Variants in IVD observed in about 807,000 individuals in gnomAD.
IVD encodes isovaleryl-CoA dehydrogenase, mitochondrial.
In IVD, 31 loss-of-function variants were observed where a neutral mutation model predicts 51.3. The ratio of observed to expected loss-of-function variants is 0.60; its 90% confidence interval spans 0.45 to 0.81. IVD has a LOEUF of 0.81. Among genes scored for constraint, IVD ranks in the 40% least tolerant of loss-of-function variants. The probability of loss-of-function intolerance (pLI) is 0.00; values close to 1 mark genes in which losing one functional copy is unlikely to be tolerated. For synonymous variants in IVD, 205 were observed against 219.4 expected (o/e 0.93, Z 0.58); for missense variants, 475 against 552.0 (o/e 0.86, Z 1.40).
At chr15:40,416,249 G>T (rs746632649) in intron 10 of IVD, 41 bp from the exon 11 acceptor site, 10 of 1,612,388 alleles carry the variant, frequency 6.2e-6, no homozygotes, top group South Asian at 5.5e-5. Context: ...TGCTGTCTGC[G>T]TGCCTCGCAG....
chr15:40,416,315 C>T lies in IVD; in HGVS notation c.1091C>T (p.Ser364Leu). Residue 364 changes from serine to leucine, a missense_variant, in exon 11 of 12, where the codon TCA becomes TTA. By Grantham distance (145) the Ser-to-Leu change is moderately radical. Coordinates refer to ENST00000487418, the MANE Select transcript of IVD (RefSeq NM_002225.5). ...AKDCAGVILY[S>L]AECATQVALD... ...GACTGTGCAGGTGTGATTCTTTACT[C>T]AGCTGAGTGTGCCACACAGGTAGCC... 2 of 1,614,264 alleles carry T rather than the reference C, an allele frequency of 1.2e-6. No homozygotes were observed. Among genetic ancestry groups the T allele is most frequent in the Non-Finnish European group, 1.7e-6 (2 of 1,180,048 alleles).
At chr15:40,429,975 A>G (rs890559711) in intron 7 of IVD, among the ~76,000 whole-genome samples, 1 of 152,278 alleles carries the variant, frequency 6.6e-6, no homozygotes, top group African/African-American at 2.4e-5. Flanking sequence ...AAATATGTAC[A>G]AGTCACAAAA....
At chr15:40,433,959 T>C (rs1024749720) in intron 8 of IVD, 2 of 456,170 alleles carry the variant, frequency 4.4e-6, no homozygotes, top group African/African-American at 4.0e-5. Flanking sequence ...GCTCTCTGAG[T>C]AGGTTCCAGT....
intron 8 of IVD, 62 bp downstream of exon 8, chr15:40,415,044 A>G: frequency 1.3e-6 from 2 of 1,589,242 alleles, no homozygotes; most frequent in South Asian, 2.2e-5. Context: ...GTGACCCACC[A>G]TGAGCAGCAG....
At chr15:40,409,365 C>T (rs1217800129) in intron 3 of IVD, among the ~76,000 whole-genome samples, 1 of 151,508 alleles carries the variant, frequency 6.6e-6, no homozygotes, top group Middle Eastern at 3.2e-3. Flanking sequence ...TACACCATTG[C>T]ACCCCAGCCT....
chr15:40,424,836 C>T (rs1200412205), downstream of IVD, among the ~76,000 whole-genome samples: 1 of 152,242 alleles, frequency 6.6e-6, no homozygotes, highest in African/African-American at 2.4e-5. Flanking sequence ...CCCAATAGCA[C>T]CCGGGGCTCA....
At position 40,418,447 on chromosome 15, in the gene IVD, G is replaced by T. The variant is rs573527656; in HGVS notation, c.*184G>T. 311 of 1,493,478 alleles carry T rather than the reference G, an allele frequency of 2.1e-4. 7 individuals are homozygous for T. The South Asian group carries it at 3.4e-3, about 16-fold the overall frequency. 92.5% of individuals were successfully genotyped at this position (1,493,478 alleles called of 1,614,324 possible). A position where few individuals can be genotyped will look rare whatever the true frequency, so the allele number is the denominator to read the frequency against. ...CCAAGCATCATGGGCCTCGCAGCCGGGCCTGTGCCACGGCTAGTGTTGTGT... is the reference window on the plus strand; with the variant it reads ...CCAAGCATCATGGGCCTCGCAGCCGTGCCTGTGCCACGGCTAGTGTTGTGT... On this transcript the variant is annotated 3_prime_UTR_variant, in exon 12 of 12. Coordinates refer to ENST00000487418, the MANE Select transcript of IVD (RefSeq NM_002225.5).
intron 4 of IVD, 80 bp from the exon 5 acceptor site, chr15:40,411,180 G>A: frequency 7.4e-7 from 1 of 1,353,504 alleles, no homozygotes; most frequent in Admixed American, 1.7e-5. Context: ...GTTTAATGTG[G>A]ACAGGAAGAG....
In IVD at chr15:40,415,390, C is replaced by T. The variant is rs1432119689; in HGVS notation, c.879-11C>T. 6.2e-7 allele frequency: 1 copy of T among 1,613,480 alleles called. No individual in the cohort carries two copies. Among genetic ancestry groups the T allele is most frequent in the Non-Finnish European group, 8.5e-7 (1 of 1,179,496 alleles). ...AGGAGGTGCCCACGGGGCCTTTCTC[C>T]TTTCTGACAGGCTCATGCAAGCGGT... is the stretch of plus-strand genomic sequence containing the variant. On this transcript the variant is annotated splice_polypyrimidine_tract_variant and intron_variant, in intron 8 of 11. Coordinates refer to ENST00000487418, the MANE Select transcript of IVD (RefSeq NM_002225.5).
chr15:40,407,115 G>A (rs567466203), intron 1 of IVD, among the ~76,000 whole-genome samples: 4 of 152,208 alleles, frequency 2.6e-5, no homozygotes, highest in Admixed American at 6.5e-5. Flanking sequence ...CTCCTGCCTC[G>A]GCCTCCCAAA....
chr15:40,427,442 G>A (rs552416023), downstream of IVD, among the ~76,000 whole-genome samples: 11 of 152,334 alleles, frequency 7.2e-5, no homozygotes, highest in Non-Finnish European at 1.6e-4. Flanking sequence ...TGCCTGCCTG[G>A]CCTGCCTTGA....
intron 1 of IVD, chr15:40,406,280 A>G: frequency 2.8e-6 from 4 of 1,439,040 alleles, no homozygotes; most frequent in Admixed American, 2.1e-5. Flanking sequence ...AGGATTGGCC[A>G]GGCTACCTAC....
At chr15:40,406,004 G>A in intron 1 of IVD, 33 bp downstream of exon 1, 1 of 1,252,730 alleles carries the variant, frequency 8.0e-7, no homozygotes, top group Non-Finnish European at 1.1e-6. Context: ...TGGCCCCAAG[G>A]CCTCCTTCCT....
chr15:40,421,550 C>T (rs963350716), downstream of IVD, among the ~76,000 whole-genome samples: 1 of 152,290 alleles, frequency 6.6e-6, no homozygotes, highest in Non-Finnish European at 1.5e-5. Flanking sequence ...GTTTTTTAAG[C>T]GTGGTCTGAG....
chr15:40,406,864 CTTTTTTT>C (rs920097308), intron 1 of IVD, among the ~76,000 whole-genome samples: 11 of 138,778 alleles, frequency 7.9e-5, no homozygotes, highest in African/African-American at 1.0e-4. Flanking sequence ...TTTCTTTTTT[CTTTTTTT>C]TTTTTTTTTG....
intron 1 of IVD, chr15:40,406,272 G>A: frequency 1.4e-6 from 2 of 1,449,996 alleles, no homozygotes; most frequent in South Asian, 2.4e-5. Flanking sequence ...TTTGGTGGAG[G>A]ATTGGCCAGG....
At chr15:40,425,910 A>G (rs1353879978), downstream of IVD, among the ~76,000 whole-genome samples, 3 of 151,626 alleles carry the variant, frequency 2.0e-5, no homozygotes, top group African/African-American at 4.9e-5. Flanking sequence ...CCCGGGCTCA[A>G]GTGATTCTCC....
At chr15:40,412,943 C>A in intron 6 of IVD, 48 bp from the exon 7 acceptor site, 1 of 1,516,644 alleles carries the variant, frequency 6.6e-7, no homozygotes, top group Middle Eastern at 1.7e-4. Context: ...TTACCAGGCC[C>A]CCTTGGGGCT....
At position 40,420,383 on chromosome 15, in the gene IVD, G is replaced by A; in HGVS notation, c.*2120G>A. 1 of 987,630 alleles carries A rather than the reference G, an allele frequency of 1.0e-6. No individual in the cohort carries two copies. The highest frequency in any genetic ancestry group is 1.2e-6 in the Non-Finnish European group (1 of 830,108). The allele number at this position is 987,630 out of a possible 1,614,324, so 61.2% of individuals were successfully genotyped here. A position where few individuals can be genotyped will look rare whatever the true frequency, so the allele number is the denominator to read the frequency against. ...GTGTACATTTCTCCAGATACCCTAT[G>A]GCTAATTTTGTTATAACTGCACAGT... On this transcript the variant is annotated 3_prime_UTR_variant, in exon 12 of 12. Transcript: ENST00000487418.
Sources: gnomAD v4.1 joint callset for allele counts (sites outside exome capture counted in the v4.1 genomes callset) on GRCh38, gnomAD v4.1.1 for gene constraint, MANE v1.5 for transcripts, NCBI Gene and HGNC (gene_info 2026-07-23, HGNC 2026-07-21) for gene names.